The following NCOA6 variants were observed in gnomAD, a reference collection of about 807,000 sequenced individuals.
NCOA6 encodes the protein NRC RAP250.
In NCOA6, 49 loss-of-function variants were observed where a neutral mutation model predicts 171.4. That is an observed-to-expected ratio of 0.29 (90% CI 0.23 to 0.36). The LOEUF (loss-of-function observed/expected upper bound fraction) is 0.36, where lower values mean the gene tolerates loss of function less well. Ranked by LOEUF, NCOA6 falls within the 10% of genes least tolerant of loss-of-function variation. NCOA6 has a pLI of 1.00. For missense variants in NCOA6, 2,248 were observed against 2,554.5 expected (o/e 0.88, Z 2.59); for synonymous variants, 910 against 927.5 (o/e 0.98, Z 0.34).
chr20:34,752,340 T>C (rs2076514413), intron 8 of NCOA6, among the ~76,000 whole-genome samples: 2 of 152,218 alleles, frequency 1.3e-5, no homozygotes, highest in Non-Finnish European at 2.9e-5. Flanking sequence ...CCATGACCAT[T>C]GTATATGCTT....
intron 10 of NCOA6, among the ~76,000 whole-genome samples, chr20:34,746,411 T>A (rs578001320): frequency 3.3e-5 from 5 of 152,276 alleles, no homozygotes; most frequent in Admixed American, 6.5e-5. Flanking sequence ...GGCTAATTTT[T>A]AAAAAATTTT....
intron 8 of NCOA6, among the ~76,000 whole-genome samples, chr20:34,753,499 A>G (rs948567822): frequency 6.6e-6 from 1 of 151,836 alleles, no homozygotes. Context: ...CGTCTCTACT[A>G]AAAATACAAA....
intron 13 of NCOA6, among the ~76,000 whole-genome samples, chr20:34,731,980 A>G (rs1251167972): frequency 6.6e-6 from 1 of 152,212 alleles, no homozygotes; most frequent in African/African-American, 2.4e-5. Flanking sequence ...GAGATCGTGC[A>G]ACTGCACACC....
At chr20:34,751,099 G>A (rs965389010) in intron 8 of NCOA6, among the ~76,000 whole-genome samples, 5 of 151,998 alleles carry the variant, frequency 3.3e-5, no homozygotes, top group African/African-American at 9.7e-5. Flanking sequence ...GGCCGGGCGC[G>A]GTGGCTCACG....
intron 9 of NCOA6, 86 bp downstream of exon 9, chr20:34,749,317 T>C: frequency 7.0e-7 from 1 of 1,434,762 alleles, no homozygotes; most frequent in East Asian, 2.3e-5. Context: ...TATTCTAGTT[T>C]TATATTCTGT....
intron 4 of NCOA6, among the ~76,000 whole-genome samples, chr20:34,773,455 T>TTTG (rs1260887559): frequency 6.6e-6 from 1 of 152,188 alleles, no homozygotes. Context: ...TTCCTTCTTT[T>TTTG]TTGTTGTTGT....
Position 34,757,753 on chromosome 20 carries a change from T to C in NCOA6, c.995A>G (p.Gln332Arg), listed in dbSNP as rs2076686227. The stretch of plus-strand genomic sequence containing the variant: ...TGCAGTCATTGTGCCCAGAGAACCC[T>C]GGGCTGGAGGAGGTTGAAGGGCTCC... ...PSGALQPPPAQGSLGTMTANQ... is the reference protein window; with the variant it reads ...PSGALQPPPARGSLGTMTANQ... The change falls in exon 7 of 15, where the codon CAG (glutamine) becomes CGG (arginine). Residue 332 changes from glutamine to arginine, a missense_variant. By Grantham distance (43) the Gln-to-Arg change is conservative (BLOSUM62 1). Around this residue, in one of 7 missense-constraint regions of NCOA6, gnomAD observed 987 missense variants for 1,104.7 expected, o/e 0.89. Transcript: ENST00000359003. 2 of 1,614,074 alleles carry C rather than the reference T, an allele frequency of 1.2e-6. No individual in the cohort carries two copies. The highest frequency in any genetic ancestry group is 1.7e-6 in the Non-Finnish European group (2 of 1,179,984).
At chr20:34,754,598 T>C (rs2076588657) in intron 8 of NCOA6, 124 bp downstream of exon 8, 2 of 1,175,568 alleles carry the variant, frequency 1.7e-6, no homozygotes, top group Admixed American at 2.4e-5. Context: ...AGAATAATTA[T>C]TTATGGGCTT....
intron 5 of NCOA6, among the ~76,000 whole-genome samples, chr20:34,766,198 T>C (rs991168032): frequency 1.6e-4 from 24 of 152,232 alleles, no homozygotes; most frequent in Admixed American, 1.4e-3. Flanking sequence ...TCATTACTAA[T>C]TGATTATTCC....
chr20:34,794,394 G>A (rs1004504033), intron 1 of NCOA6, among the ~76,000 whole-genome samples: 1 of 152,154 alleles, frequency 6.6e-6, no homozygotes, highest in African/African-American at 2.4e-5. Flanking sequence ...GATGACGTAT[G>A]TATAGTGTTA....
At chr20:34,735,512 C>T (rs373976532) in intron 12 of NCOA6, among the ~76,000 whole-genome samples, 9 of 152,010 alleles carry the variant, frequency 5.9e-5, no homozygotes, top group East Asian at 1.9e-4. Flanking sequence ...AGGCTGGTGG[C>T]GGGCACCTAT....
intron 1 of NCOA6, among the ~76,000 whole-genome samples, chr20:34,804,725 TG>T: frequency 6.6e-6 from 1 of 152,194 alleles, no homozygotes; most frequent in South Asian, 2.1e-4. Flanking sequence ...CACACATAAC[TG>T]TATATATACA....
At chr20:34,744,334 A>C (rs2076238792) in intron 10 of NCOA6, among the ~76,000 whole-genome samples, 1 of 152,230 alleles carries the variant, frequency 6.6e-6, no homozygotes, top group South Asian at 2.1e-4. Flanking sequence ...CCAAAACCTT[A>C]CAATCAGAAA....
chr20:34,801,348 T>C (rs1341973567), intron 1 of NCOA6, among the ~76,000 whole-genome samples: 1 of 151,256 alleles, frequency 6.6e-6, no homozygotes, highest in Non-Finnish European at 1.5e-5. Flanking sequence ...AGAAAAGAAA[T>C]AAAGATGAGA....
chr20:34,723,825 G>A (rs566767237), intron 14 of NCOA6, among the ~76,000 whole-genome samples: 1 of 152,218 alleles, frequency 6.6e-6, no homozygotes, highest in African/African-American at 2.4e-5. Flanking sequence ...ATTCTTTCTG[G>A]TGCCCTGTAA....
chr20:34,731,665 G>GA (rs1474092482), intron 13 of NCOA6, among the ~76,000 whole-genome samples: 1 of 152,184 alleles, frequency 6.6e-6, no homozygotes, highest in Non-Finnish European at 1.5e-5. Flanking sequence ...AAAATATTGT[G>GA]AAAGTGTCTT....
At position 34,757,502 on chromosome 20, in the gene NCOA6, T is replaced by C. The variant is rs749661184; in HGVS notation, c.1246A>G (p.Thr416Ala). 2.1e-5 allele frequency: 34 copies of C among 1,613,534 alleles called. No individual in the cohort carries two copies. Among genetic ancestry groups the C allele is most frequent in the African/African-American group, 5.3e-5 (4 of 74,772 alleles). ...GTGAGGTGGGGCTGCTGCAAGGGAG[T>C]TGGGACCCTAGAGGGCCCTCCCTGC... ...SLQGGPSRVP[T>A]PLQQPHLTNK... is the part of the protein sequence containing the mutation. Residue 416 changes from threonine to alanine, a missense_variant, in exon 7 of 15, where the codon ACT becomes GCT. Transcript: ENST00000359003.
intron 1 of NCOA6, among the ~76,000 whole-genome samples, chr20:34,818,247 T>C (rs902178362): frequency 1.3e-5 from 2 of 152,160 alleles, no homozygotes; most frequent in African/African-American, 2.4e-5. Context: ...CCTAGCAATT[T>C]GGGAGACCAA....
rs1199966567 is a variant in NCOA6 at position 34,749,952 on chromosome 20, G to A, written c.2243C>T (p.Thr748Ile). ...PGPAQIMRGP[T>I]PNMQGNMVQF... ...CACCATATTTCCTTGCATGTTTGGA[G>A]TTGGTCCCCTCATTATCTGGGCTGG... The change falls in exon 9 of 15, where the codon ACT becomes ATT. Residue 748 changes from threonine (T) to isoleucine (I), a missense_variant. Physicochemically the swap from Thr to Ile is moderately conservative, Grantham distance 89. Around this residue, in one of 7 missense-constraint regions of NCOA6, gnomAD observed 987 missense variants for 1,104.7 expected, o/e 0.89. Transcript: ENST00000359003. 1 of 1,614,216 alleles carries A rather than the reference G, an allele frequency of 6.2e-7. No individual in the cohort carries two copies. The highest frequency in any genetic ancestry group is 8.5e-7 in the Non-Finnish European group (1 of 1,180,044).
Sources: allele counts gnomAD v4.1 joint callset (sites outside exome capture counted in the v4.1 genomes callset), GRCh38; gene constraint gnomAD v4.1.1; regional missense constraint gnomAD v4.1.1; transcripts MANE v1.5; gene names NCBI Gene and HGNC (gene_info 2026-07-23, HGNC 2026-07-21).